PDCL2: variants seen among roughly 807,000 people sequenced by gnomAD.
PDCL2 encodes the protein phosducin like 2.
In PDCL2, 23 loss-of-function variants were observed where a neutral mutation model predicts 30.3. The ratio of observed to expected loss-of-function variants is 0.76; its 90% CI spans 0.55 to 1.08. The LOEUF is 1.08. Ranked by LOEUF, PDCL2 falls within the 50% of genes least tolerant of loss-of-function variation. The pLI is 0.00. For synonymous variants in PDCL2, 68 were observed against 86.2 expected (o/e 0.79, Z 1.17); for missense variants, 243 against 282.3 (o/e 0.86, Z 1.00).
At chr4:55,589,988 G>A (rs1056680021) in intron 1 of PDCL2, among the ~76,000 whole-genome samples, 11 of 151,616 alleles carry the variant, frequency 7.3e-5, no homozygotes, top group Non-Finnish European at 1.0e-4. Flanking sequence ...TTTGAGGTCA[G>A]GACTCCAAGA....
At chr4:55,571,297 T>G (rs1025166795) in intron 3 of PDCL2, among the ~76,000 whole-genome samples, 16 of 152,048 alleles carry the variant, frequency 1.1e-4, no homozygotes, top group Non-Finnish European at 1.6e-4. Context: ...TGATGTGGCA[T>G]GCACCCCTCC....
intron 1 of PDCL2, 32 bp downstream of exon 1, chr4:55,592,072 T>C: frequency 6.2e-7 from 1 of 1,608,590 alleles, no homozygotes. Context: ...CACTGGGTGT[T>C]CCAGGGTGGC....
intron 1 of PDCL2, among the ~76,000 whole-genome samples, chr4:55,590,221 A>AAAAAG (rs58241689): frequency 6.9e-6 from 1 of 145,374 alleles, no homozygotes; most frequent in Admixed American, 6.9e-5. Context: ...AAAAAAAAAA[A>AAAAAG]GAGTAAGGTT....
chr4:55,571,576 A>G (rs1214421966), intron 3 of PDCL2, among the ~76,000 whole-genome samples: 1 of 70,102 alleles, frequency 1.4e-5, no homozygotes, highest in Non-Finnish European at 2.7e-5. Context: ...GGTCCCAGCT[A>G]CTCGGGAGGC....
intron 5 of PDCL2, among the ~76,000 whole-genome samples, chr4:55,557,389 A>G (rs1229866958): frequency 1.8e-4 from 28 of 152,178 alleles, no homozygotes; most frequent in Admixed American, 1.8e-3. Flanking sequence ...AAGTTATCCC[A>G]TGGCAGAATT....
rs1240982494 is a variant in PDCL2 at position 55,569,743 on chromosome 4, C to T, written c.337G>A (p.Val113Ile). The part of the protein sequence containing the change: ...EVTNAEEDVW[V>I]IIHLYRSSIP... ...CTTGATCTGTATAGATGAATTATAA[C>T]CCACACATCTTCTTCTGCATTTGTG... Residue 113 changes from valine to isoleucine, a missense_variant, in exon 4 of 6, where the codon GTT (valine) becomes ATT (isoleucine). Val to Ile is a conservative substitution (Grantham distance 29). Transcript: ENST00000295645. 5.8e-6 allele frequency: 9 copies of T among 1,558,200 alleles called. No individual in the cohort carries two copies. Among genetic ancestry groups the T allele is most frequent in the Non-Finnish European group, 7.8e-6 (9 of 1,150,292 alleles).
chr4:55,571,303 C>T (rs770779861), intron 3 of PDCL2, among the ~76,000 whole-genome samples: 2 of 151,858 alleles, frequency 1.3e-5, no homozygotes, highest in Non-Finnish European at 2.9e-5. Context: ...GGCATGCACC[C>T]CTCCCTTGGA....
At chr4:55,559,631 T>C (rs1732073492) in intron 5 of PDCL2, among the ~76,000 whole-genome samples, 1 of 152,194 alleles carries the variant, frequency 6.6e-6, no homozygotes, top group Non-Finnish European at 1.5e-5. Context: ...AATTACCATA[T>C]CATCTAGCAA....
In PDCL2 at chr4:55,562,561, C is replaced by G. The variant is rs1560498974; in HGVS notation, c.414G>C (p.Lys138Asn). The G allele has an allele frequency of 6.2e-7, 1 of 1,605,378 alleles. No homozygotes were observed. The highest frequency in any genetic ancestry group is 1.1e-5 in the South Asian group (1 of 89,388). ...CTTTAACAAATTTAGTTTCTGGAAA[C>G]TTTCTTGCTAGAAGACTAAGATGCT... ...VNQHLSLLAR[K>N]FPETKFVKAI... is the part of the protein sequence containing the mutation. The change falls in exon 5 of 6, where the codon AAG becomes AAC. Residue 138 changes from lysine (K) to asparagine (N), a missense_variant. Coordinates refer to ENST00000295645, the MANE Select transcript of PDCL2 (RefSeq NM_152401.3).
chr4:55,588,750 A>G (rs1392560441), intron 1 of PDCL2, among the ~76,000 whole-genome samples: 6 of 152,124 alleles, frequency 3.9e-5, no homozygotes, highest in Non-Finnish European at 7.4e-5. Context: ...ACTGTTGCCC[A>G]TTTAATGGTC....
rs575542711 is a variant in PDCL2 at position 55,589,587 on chromosome 4, C to A, written c.6+2517G>T. Among the ~76,000 whole-genome samples, 3 of 152,252 alleles carry A rather than the reference C, an allele frequency of 2.0e-5. No homozygotes were observed. The South Asian group carries it at 6.2e-4, about 32-fold the overall frequency. On this transcript the variant is annotated intron_variant, in intron 1 of 5. Coordinates refer to ENST00000295645, the MANE Select transcript of PDCL2 (RefSeq NM_152401.3). ...TGAATTCTCCTAGACATGTGTTTAC[C>A]TCCGGTTCACCCTCCTATTCATCTC...
intron 2 of PDCL2, among the ~76,000 whole-genome samples, chr4:55,581,508 A>T (rs561148523): frequency 6.6e-6 from 1 of 152,322 alleles, no homozygotes; most frequent in Non-Finnish European, 1.5e-5. Context: ...TAAATAATAC[A>T]TACTATAAAG....
chr4:55,573,396 CT>C (rs1267895286), intron 3 of PDCL2, among the ~76,000 whole-genome samples: 2 of 152,026 alleles, frequency 1.3e-5, no homozygotes, highest in African/African-American at 2.4e-5. Context: ...AATATTACAT[CT>C]TTTTTTAAAA....
intron 3 of PDCL2, 82 bp from the exon 4 acceptor site, chr4:55,569,943 C>T: frequency 9.5e-7 from 1 of 1,057,828 alleles, no homozygotes; most frequent in Non-Finnish European, 1.3e-6. Context: ...CAATTTAGGG[C>T]AATGAATATA....
intron 4 of PDCL2, among the ~76,000 whole-genome samples, chr4:55,567,742 A>G (rs1732305898): frequency 6.6e-6 from 1 of 152,296 alleles, no homozygotes; most frequent in African/African-American, 2.4e-5. Flanking sequence ...ACAACTTTGT[A>G]TCAGTCCACT....
At chr4:55,581,576 T>C (rs1233697536) in intron 2 of PDCL2, among the ~76,000 whole-genome samples, 1 of 152,230 alleles carries the variant, frequency 6.6e-6, no homozygotes, top group Non-Finnish European at 1.5e-5. Context: ...GAAAGCTCAC[T>C]TGGTTACACA....
intron 4 of PDCL2, 37 bp downstream of exon 4, chr4:55,569,681 G>C: frequency 7.1e-7 from 1 of 1,417,190 alleles, no homozygotes; most frequent in Non-Finnish European, 9.4e-7. Context: ...TTTTAAAATA[G>C]TAGTATATTA....
intron 1 of PDCL2, 110 bp downstream of exon 1, chr4:55,591,994 G>A (rs1733015004): frequency 1.4e-6 from 2 of 1,447,530 alleles, no homozygotes; most frequent in African/African-American, 1.4e-5. Flanking sequence ...AAGAACAAAT[G>A]TTAGAGCCTA....
intron 2 of PDCL2, 54 bp from the exon 3 acceptor site, chr4:55,580,965 A>G: frequency 1.5e-6 from 2 of 1,337,894 alleles, no homozygotes; most frequent in South Asian, 2.8e-5. Flanking sequence ...TTTTTACTAT[A>G]CAGTCAATGT....
Sources: gnomAD v4.1 joint callset for allele counts (sites outside exome capture counted in the v4.1 genomes callset) on GRCh38, gnomAD v4.1.1 for gene constraint, MANE v1.5 for transcripts, NCBI Gene and HGNC (gene_info 2026-07-23, HGNC 2026-07-21) for gene names.